Variants in UBXN8 observed in about 807,000 individuals in gnomAD.
UBXN8 encodes UBX domain protein 8.
In UBXN8, 27 loss-of-function variants were observed where a neutral mutation model predicts 32.1. The observed-to-expected ratio is 0.84, with a 90% confidence interval of 0.62 to 1.16. UBXN8 has a LOEUF of 1.16. Ranked by LOEUF, UBXN8 falls within the 50% of genes most tolerant of loss-of-function variation. UBXN8 has a pLI of 0.00. For missense variants in UBXN8, 306 were observed against 311.4 expected (o/e 0.98, Z 0.13); for synonymous variants, 109 against 111.8 (o/e 0.98, Z 0.16).
chr8:30,729,361 G>A (rs556770317), upstream of UBXN8, among the ~76,000 whole-genome samples: 7 of 152,320 alleles, frequency 4.6e-5, no homozygotes, highest in Non-Finnish European at 8.8e-5. Flanking sequence ...ACTGGTCTTC[G>A]GAACTTGCCC....
At chr8:30,750,842 GA>G (rs1805503020) in intron 1 of UBXN8, among the ~76,000 whole-genome samples, 2 of 150,194 alleles carry the variant, frequency 1.3e-5, no homozygotes, top group Admixed American at 1.3e-4. Flanking sequence ...AAATATTCAG[GA>G]AAAAAATGGA....
rs369553467 is a variant in UBXN8 at position 30,751,526 on chromosome 8, T to C, written c.211+8T>C. On this transcript the variant is annotated splice_region_variant and intron_variant, in intron 2 of 7. Coordinates refer to ENST00000265616, the MANE Select transcript of UBXN8 (RefSeq NM_005671.4). ...CCCAAGTTTATCTGAAGGGTAAGTTTATTATTTATTCTACCCTTTTATACC... is the reference window on the plus strand; with the variant it reads ...CCCAAGTTTATCTGAAGGGTAAGTTCATTATTTATTCTACCCTTTTATACC... 32 of 1,592,290 alleles carry C rather than the reference T, an allele frequency of 2.0e-5. No homozygotes were observed. The highest frequency in any genetic ancestry group is 3.6e-5 in the Admixed American group (2 of 55,370).
At chr8:30,761,978 A>G (rs1805846385) in intron 6 of UBXN8, among the ~76,000 whole-genome samples, 2 of 152,006 alleles carry the variant, frequency 1.3e-5, no homozygotes, top group South Asian at 4.1e-4. Context: ...ACGTGTCTTG[A>G]AAGCCATTAA....
rs140587199 is a variant in UBXN8 at position 30,765,915 on chromosome 8, C to T, written c.646-312C>T. ...ATCCAAGCTACTCTGAAGGCTGAGG[C>T]AGGAGAATCGCTTAAACCCAGGTGG... is the stretch of plus-strand genomic sequence containing the variant. On this transcript the variant is annotated intron_variant, in intron 7 of 7. Transcript: ENST00000265616. 2.7e-3 allele frequency among the ~76,000 whole-genome samples: 400 copies of T among 150,522 alleles called. 2 individuals are homozygous for T. The highest frequency in any genetic ancestry group is 8.8e-3 in the African/African-American group (360 of 41,028).
intron 1 of UBXN8, among the ~76,000 whole-genome samples, chr8:30,748,356 C>T (rs1486269420): frequency 6.6e-6 from 1 of 151,366 alleles, no homozygotes; most frequent in Non-Finnish European, 1.5e-5. Flanking sequence ...GTCCCAGCTA[C>T]TTGGGAGGCT....
intron 1 of UBXN8, among the ~76,000 whole-genome samples, chr8:30,746,980 C>T (rs1221019320): frequency 7.2e-6 from 1 of 138,960 alleles, no homozygotes; most frequent in East Asian, 2.1e-4. Context: ...CATGGTGAAA[C>T]GCTGTCTCTA....
chr8:30,763,086 T>G, intron 6 of UBXN8, 187 bp from the exon 7 acceptor site: 1 of 573,156 alleles, frequency 1.7e-6, no homozygotes. Context: ...CCTCAAGTGG[T>G]CTGCCTGTCT....
upstream of UBXN8, among the ~76,000 whole-genome samples, chr8:30,730,010 T>C (rs1804914925): frequency 6.6e-6 from 1 of 152,084 alleles, no homozygotes; most frequent in African/African-American, 2.4e-5. Context: ...CATCAGACGA[T>C]CCATTGCAGG....
At chr8:30,760,848 T>C in intron 5 of UBXN8, 40 bp from the exon 6 acceptor site, 1 of 1,396,472 alleles carries the variant, frequency 7.2e-7, no homozygotes, top group Non-Finnish European at 9.8e-7. Flanking sequence ...TTTTGCTTGT[T>C]GAACATGTTT....
At chr8:30,737,375 T>C (rs1218905219) in intron 1 of UBXN8, among the ~76,000 whole-genome samples, 2 of 152,188 alleles carry the variant, frequency 1.3e-5, no homozygotes, top group Non-Finnish European at 2.9e-5. Flanking sequence ...GAGGGCAATC[T>C]GCTTACTCAG....
chr8:30,758,583 G>T (rs73585353), intron 5 of UBXN8, among the ~76,000 whole-genome samples: 4,013 of 152,228 alleles, frequency 0.026, 155 homozygotes, highest in African/African-American at 0.092. Flanking sequence ...AGATTTCCTG[G>T]TCCCATAGTG....
chr8:30,731,072 A>T (rs1310654149), upstream of UBXN8, among the ~76,000 whole-genome samples: 1 of 152,252 alleles, frequency 6.6e-6, no homozygotes, highest in Non-Finnish European at 1.5e-5. Context: ...CTTGCAGCGT[A>T]ATCAGTGTGC....
chr8:30,736,618 A>G (rs1219094857), intron 1 of UBXN8, among the ~76,000 whole-genome samples: 1 of 151,980 alleles, frequency 6.6e-6, no homozygotes, highest in African/African-American at 2.4e-5. Flanking sequence ...GATATCAGGC[A>G]CCCACCACCA....
rs35456214 is a variant in UBXN8 at position 30,760,064 on chromosome 8, C to CTT, written c.529-810_529-809dup. On this transcript the variant is annotated intron_variant, in intron 5 of 7. Coordinates refer to ENST00000265616, the MANE Select transcript of UBXN8 (RefSeq NM_005671.4). ...TTGGGGTCTTACTGAATTTTCTTTT[C>CTT]TTTTTTTTTTTTTTTAAGATGGAGG... 4.1e-3 allele frequency among the ~76,000 whole-genome samples: 547 copies of CTT among 134,970 alleles called. 13 individuals are homozygous for CTT. Among genetic ancestry groups the CTT allele is most frequent in the Middle Eastern group, 7.5e-3 (2 of 266 alleles). 88.5% of individuals were successfully genotyped at this position (134,970 alleles called of 152,430 possible). A position where few individuals can be genotyped will look rare whatever the true frequency, so the allele number is the denominator to read the frequency against.
At chr8:30,730,561 C>G (rs915730048), upstream of UBXN8, among the ~76,000 whole-genome samples, 7 of 152,072 alleles carry the variant, frequency 4.6e-5, no homozygotes, top group African/African-American at 1.7e-4. Context: ...GGAACCGACC[C>G]CCAGTGGGAC....
intron 3 of UBXN8, 86 bp from the exon 4 acceptor site, chr8:30,754,579 G>T: frequency 6.8e-7 from 1 of 1,471,694 alleles, no homozygotes; most frequent in Non-Finnish European, 9.0e-7. Flanking sequence ...GTTCTTACTT[G>T]GTTCTTATTT....
At chr8:30,761,510 G>A (rs571279128) in intron 6 of UBXN8, among the ~76,000 whole-genome samples, 51 of 152,306 alleles carry the variant, frequency 3.3e-4, no homozygotes, top group Non-Finnish European at 6.0e-4. Flanking sequence ...CTCCCAAAGC[G>A]CTGGGATTAC....
At chr8:30,735,546 C>T (rs1485591209) in intron 1 of UBXN8, among the ~76,000 whole-genome samples, 11 of 151,822 alleles carry the variant, frequency 7.2e-5, no homozygotes. Flanking sequence ...GAGTGTGTCT[C>T]AAAAAAACAA....
rs1805747373 is a variant in UBXN8 at position 30,758,901 on chromosome 8, T to TGG, written c.529-1987_529-1986insGG. Among the ~76,000 whole-genome samples, 15 of 130,132 alleles carry TGG rather than the reference T, an allele frequency of 1.2e-4. 2 individuals carry two copies. The South Asian group carries it at 3.7e-3, about 32-fold the overall frequency. The allele number at this position is 130,132 out of a possible 152,430, so 85.4% of individuals were successfully genotyped here. A position where few individuals can be genotyped will look rare whatever the true frequency, so the allele number is the denominator to read the frequency against. On this transcript the variant is annotated intron_variant, in intron 5 of 7. Coordinates refer to ENST00000265616, the MANE Select transcript of UBXN8 (RefSeq NM_005671.4). ...TTTTTGTTTGTTTTTTTTGTTTTTT[T>TGG]TTTTTTTTTTGAGACGGAGTCTCGC...
Sources: allele counts gnomAD v4.1 joint callset (sites outside exome capture counted in the v4.1 genomes callset), GRCh38; gene constraint gnomAD v4.1.1; transcripts MANE v1.5; gene names NCBI Gene and HGNC (gene_info 2026-07-23, HGNC 2026-07-21).